ZNF721: variants seen among roughly 807,000 people sequenced by gnomAD.
ZNF721 encodes the protein zinc finger protein 721.
ZNF721 carries 2 observed loss-of-function variants against 2.4 expected under a neutral mutation model. The observed-to-expected ratio is 0.82, with a 90% CI of 0.34 to 2.58. ZNF721 has a LOEUF of 2.58. ZNF721 is among the 30% of genes most tolerant of loss of function. ZNF721 has a pLI of 0.11. For synonymous variants in ZNF721, 398 were observed against 381.8 expected (o/e 1.04, Z -0.50); for missense variants, 1,187 against 1,085.5 (o/e 1.09, Z -1.31).
In ZNF721 at chr4:443,250, G is replaced by C; in HGVS notation, c.1217C>G (p.Ala406Gly). 6.2e-7 allele frequency: 1 copy of C among 1,610,890 alleles called. No individual in the cohort carries two copies. The highest frequency in any genetic ancestry group is 1.1e-5 in the South Asian group (1 of 90,902). The change falls in exon 3 of 3, where the codon GCA becomes GGA. Residue 406 changes from alanine to glycine, a missense_variant. Ala to Gly is a moderately conservative substitution (Grantham distance 60). Transcript: ENST00000511833. ...CTCTCTGGTGTGAATTCTCTTATGT[G>C]CAGTAAGGTTTGTTGAACTATTAAA... ...KAFNSSTNLT[A>G]HKRIHTREKP...
intron 2 of ZNF721, among the ~76,000 whole-genome samples, chr4:468,791 T>C (rs1273916923): frequency 6.6e-6 from 1 of 152,204 alleles, no homozygotes; most frequent in Non-Finnish European, 1.5e-5. Context: ...GTAATCATTG[T>C]TAAATCCTTA....
rs138678641 is a variant in ZNF721 at position 496,290 on chromosome 4, G to A, written c.-94+2766C>T. On this transcript the variant is annotated intron_variant, in intron 1 of 2. Coordinates refer to ENST00000511833, the MANE Select transcript of ZNF721 (RefSeq NM_133474.4). ...CTTGCAGACCTAGCTTTTCAGGGCT[G>A]TTACCCCCCGAACTGGTTGGGTTCA... 2.1e-3 allele frequency among the ~76,000 whole-genome samples: 323 copies of A among 152,252 alleles called. 1 individual carries two copies. Among genetic ancestry groups the A allele is most frequent in the Middle Eastern group, 0.01 (3 of 294 alleles).
Position 442,224 on chromosome 4 carries a change from G to T in ZNF721, c.2243C>A (p.Thr748Asn). 6.2e-7 allele frequency: 1 copy of T among 1,612,906 alleles called. No individual in the cohort carries two copies. Among genetic ancestry groups the T allele is most frequent in the Non-Finnish European group, 8.5e-7 (1 of 1,179,222 alleles). The change falls in exon 3 of 3, where the codon ACT becomes AAT. Residue 748 changes from threonine to asparagine, a missense_variant. By Grantham distance (65) the Thr-to-Asn change is moderately conservative. Transcript: ENST00000511833. ...TTTACATTTGTAGAGTTTATCTCCAGTATGAATTTTCTTATATTCGTTCAG... is the reference window on the plus strand; with the variant it reads ...TTTACATTTGTAGAGTTTATCTCCATTATGAATTTTCTTATATTCGTTCAG... ...TNLNEYKKIH[T>N]GDKLYKCKEC...
intron 2 of ZNF721, among the ~76,000 whole-genome samples, chr4:444,726 T>C (rs1553863967): frequency 1.3e-5 from 2 of 152,192 alleles, no homozygotes; most frequent in East Asian, 1.9e-4. Context: ...CTCCCCAATA[T>C]AGCACTATGC....
chr4:477,659 A>G (rs1553868830), intron 1 of ZNF721, among the ~76,000 whole-genome samples: 1 of 152,156 alleles, frequency 6.6e-6, no homozygotes, highest in Non-Finnish European at 1.5e-5. Context: ...CGATAGTTTA[A>G]AATGAGCAGA....
chr4:466,555 C>T (rs1380821726), intron 2 of ZNF721, among the ~76,000 whole-genome samples: 1 of 152,190 alleles, frequency 6.6e-6, no homozygotes, highest in Non-Finnish European at 1.5e-5. Flanking sequence ...TGCAAATTTG[C>T]AGCCATTACC....
At chr4:469,770 T>G (rs1051871503) in intron 2 of ZNF721, among the ~76,000 whole-genome samples, 4 of 152,184 alleles carry the variant, frequency 2.6e-5, no homozygotes, top group Non-Finnish European at 5.9e-5. Flanking sequence ...AACAAATCCA[T>G]GCATACAAGG....
At chr4:498,215 G>GAAAAAAAAAAAAAAAAAAAAAAAAA (rs797042296) in intron 1 of ZNF721, among the ~76,000 whole-genome samples, 3 of 83,938 alleles carry the variant, frequency 3.6e-5, no homozygotes, top group African/African-American at 4.4e-5. Flanking sequence ...AAAAGAAAAA[G>GAAAAAAAAAAAAAAAAAAAAAAAAA]AAAAAAAAAA....
intron 2 of ZNF721, among the ~76,000 whole-genome samples, chr4:454,448 G>C (rs797035322): frequency 6.6e-6 from 1 of 152,330 alleles, no homozygotes; most frequent in East Asian, 1.9e-4. Context: ...TTGCAAAACT[G>C]AATGGCATTA....
At chr4:497,378 C>T (rs888960987) in intron 1 of ZNF721, among the ~76,000 whole-genome samples, 1 of 152,042 alleles carries the variant, frequency 6.6e-6, no homozygotes, top group Non-Finnish European at 1.5e-5. Flanking sequence ...AGGCGAACTG[C>T]TGCAGGCCGG....
chr4:472,875 A>G (rs1715481847), intron 1 of ZNF721, among the ~76,000 whole-genome samples, 174 bp from the exon 2 acceptor site: 1 of 152,090 alleles, frequency 6.6e-6, no homozygotes, highest in Non-Finnish European at 1.5e-5. Context: ...AGGCATTCCA[A>G]CAGTTTCTGT....
At chr4:465,423 CTTTTGTT>C (rs1247364619) in intron 2 of ZNF721, among the ~76,000 whole-genome samples, 3 of 147,322 alleles carry the variant, frequency 2.0e-5, no homozygotes, top group South Asian at 2.1e-4. Context: ...TTAAGCTAGG[CTTTTGTT>C]TTTTGTTTTT....
intron 1 of ZNF721, among the ~76,000 whole-genome samples, chr4:487,575 C>T (rs1576972890): frequency 6.6e-6 from 1 of 152,186 alleles, no homozygotes; most frequent in Non-Finnish European, 1.5e-5. Context: ...TATATACACC[C>T]ATTAAAGACA....
At chr4:494,348 A>ATTT (rs200096546) in intron 1 of ZNF721, among the ~76,000 whole-genome samples, 1 of 147,502 alleles carries the variant, frequency 6.8e-6, no homozygotes, top group African/African-American at 2.5e-5. Context: ...TGCCCATCTA[A>ATTT]TTTTTTTTTT....
intron 2 of ZNF721, among the ~76,000 whole-genome samples, chr4:445,330 A>G (rs1714437562): frequency 6.6e-6 from 1 of 152,142 alleles, no homozygotes; most frequent in Admixed American, 6.5e-5. Flanking sequence ...TTTTAACTAA[A>G]AAATAAACAC....
chr4:452,218 G>C (rs1714690912), intron 2 of ZNF721, among the ~76,000 whole-genome samples: 1 of 152,210 alleles, frequency 6.6e-6, no homozygotes, highest in African/African-American at 2.4e-5. Flanking sequence ...TGAAGAACTA[G>C]TCGGCTGGGG....
chr4:452,998 C>G (rs782220544), intron 2 of ZNF721, among the ~76,000 whole-genome samples: 10 of 152,208 alleles, frequency 6.6e-5, no homozygotes, highest in Non-Finnish European at 1.5e-4. Flanking sequence ...AACCACTGAG[C>G]AAGCCCTTCA....
At chr4:453,255 T>C (rs180751810) in intron 2 of ZNF721, among the ~76,000 whole-genome samples, 83 of 152,334 alleles carry the variant, frequency 5.4e-4, no homozygotes, top group Non-Finnish European at 1.1e-3. Context: ...CCAGAGGGAT[T>C]TGTCAGTTGT....
chr4:456,023 GAA>G (rs1379975759), intron 2 of ZNF721, among the ~76,000 whole-genome samples: 3 of 151,456 alleles, frequency 2.0e-5, no homozygotes, highest in Non-Finnish European at 2.9e-5. Flanking sequence ...ACCTACAAAA[GAA>G]AACAGTCATG....
Sources: gnomAD v4.1 joint callset for allele counts (sites outside exome capture counted in the v4.1 genomes callset) on GRCh38, gnomAD v4.1.1 for gene constraint, MANE v1.5 for transcripts, NCBI Gene and HGNC (gene_info 2026-07-23, HGNC 2026-07-21) for gene names.